The following PAK5 variants were observed in gnomAD, a reference collection of about 807,000 sequenced individuals.
The protein encoded by PAK5 is serine/threonine-protein kinase PAK 5.
In PAK5, 16 loss-of-function variants were observed where a neutral mutation model predicts 65.9. The ratio of observed to expected loss-of-function variants is 0.24; its 90% CI spans 0.16 to 0.37. PAK5 has a LOEUF of 0.37. Ranked by LOEUF, PAK5 falls within the 10% of genes least tolerant of loss-of-function variation. The probability of loss-of-function intolerance (pLI) is 1.00; values close to 1 mark genes in which losing one functional copy is unlikely to be tolerated. For synonymous variants in PAK5, 371 were observed against 354.9 expected, an observed-to-expected ratio of 1.05 and a Z score of -0.51; for missense variants, 785 against 903.9, an observed-to-expected ratio of 0.87 and a Z score of 1.69.
intron 1 of PAK5, among the ~76,000 whole-genome samples, chr20:9,812,638 T>C (rs1207395661): frequency 1.3e-5 from 2 of 152,158 alleles, no homozygotes; most frequent in East Asian, 1.9e-4. Context: ...TAAATGTCCA[T>C]AGTAGCATCA....
chr20:9,596,584 T>A (rs955695573), intron 3 of PAK5, among the ~76,000 whole-genome samples: 2 of 130,568 alleles, frequency 1.5e-5, no homozygotes, highest in African/African-American at 6.0e-5. Context: ...TGCAGTGAGC[T>A]GAGATAGCAC....
At chr20:9,598,109 T>A (rs2046302029) in intron 3 of PAK5, among the ~76,000 whole-genome samples, 1 of 152,092 alleles carries the variant, frequency 6.6e-6, no homozygotes, top group Non-Finnish European at 1.5e-5. Flanking sequence ...ATGCTTTCCC[T>A]CCCCCCATGA....
chr20:9,580,732 A>G lies in PAK5; in HGVS notation c.403T>C (p.Ser135Pro). 6.2e-7 allele frequency: 1 copy of G among 1,613,898 alleles called. No homozygotes were observed. Among genetic ancestry groups the G allele is most frequent in the Non-Finnish European group, 8.5e-7 (1 of 1,179,928 alleles). ...GTCGTGTAGTCAGCAGTAGTATCGG[A>G]TTCGCTGGAATACTGGGAGAAGGTG... ...FITFSQYSSESDTTADYTTEK... is the reference protein window; with the variant it reads ...FITFSQYSSEPDTTADYTTEK... The change falls in exon 4 of 10, where the codon TCC becomes CCC. Residue 135 changes from serine (S) to proline (P), a missense_variant. By Grantham distance (74) the Ser-to-Pro change is moderately conservative. This residue lies in a region of PAK5 where 422 missense variants were observed against 413.3 expected (regional missense o/e 1.02). Coordinates refer to ENST00000353224, the MANE Select transcript of PAK5 (RefSeq NM_177990.4).
At chr20:9,614,033 A>C (rs1031776090) in intron 3 of PAK5, among the ~76,000 whole-genome samples, 1 of 152,232 alleles carries the variant, frequency 6.6e-6, no homozygotes. Context: ...TATGGCACGG[A>C]TGTTGGAACT....
At chr20:9,634,752 C>T (rs1466983786) in intron 3 of PAK5, among the ~76,000 whole-genome samples, 1 of 152,082 alleles carries the variant, frequency 6.6e-6, no homozygotes, top group Non-Finnish European at 1.5e-5. Flanking sequence ...CCCACATCTC[C>T]TGAATTTAGG....
In PAK5 at chr20:9,749,891, C is replaced by T. The variant is rs567588756; in HGVS notation, c.-161-38456G>A. On this transcript the variant is annotated intron_variant, in intron 1 of 9. Coordinates refer to ENST00000353224, the MANE Select transcript of PAK5 (RefSeq NM_177990.4). The stretch of plus-strand genomic sequence containing the variant: ...CATATCTCCTTGCTGACCAGTAACA[C>T]TCAGTTTGCAGATGGCACACGTCCT... Among the ~76,000 whole-genome samples the T allele has an allele frequency of 3.3e-5, 5 of 152,276 alleles. No homozygotes were observed. In the South Asian group the frequency reaches 1.0e-3, roughly 32 times the overall value.
At chr20:9,590,207 G>A (rs991415998) in intron 3 of PAK5, among the ~76,000 whole-genome samples, 2 of 152,086 alleles carry the variant, frequency 1.3e-5, no homozygotes, top group Non-Finnish European at 2.9e-5. Context: ...CTGGCCTCAA[G>A]TGATCTCATG....
chr20:9,771,404 TA>T (rs372717784), intron 1 of PAK5, among the ~76,000 whole-genome samples: 5 of 149,384 alleles, frequency 3.3e-5, no homozygotes, highest in African/African-American at 1.2e-4. Context: ...ATCTATAATT[TA>T]AAAAAATTTT....
intron 2 of PAK5, among the ~76,000 whole-genome samples, chr20:9,655,647 A>C (rs1345244632): frequency 6.6e-6 from 1 of 152,212 alleles, no homozygotes; most frequent in Non-Finnish European, 1.5e-5. Context: ...TGTATCTATC[A>C]TTCTGCATAA....
intron 1 of PAK5, among the ~76,000 whole-genome samples, chr20:9,774,227 G>A (rs886440037): frequency 5.9e-5 from 9 of 152,156 alleles, no homozygotes; most frequent in African/African-American, 1.9e-4. Context: ...GGGGAAAGGA[G>A]GAACAGATAC....
chr20:9,632,293 G>C (rs953440198), intron 3 of PAK5, among the ~76,000 whole-genome samples: 23 of 152,148 alleles, frequency 1.5e-4, no homozygotes, highest in African/African-American at 5.3e-4. Context: ...CTGGAGACAG[G>C]CTTGTGATCT....
chr20:9,829,312 CTT>C (rs1196922664), intron 1 of PAK5, among the ~76,000 whole-genome samples: 1 of 152,166 alleles, frequency 6.6e-6, no homozygotes, highest in African/African-American at 2.4e-5. Context: ...AATCTAGTGA[CTT>C]TTAAATTATC....
At chr20:9,575,393 G>A (rs1275879471) in intron 4 of PAK5, among the ~76,000 whole-genome samples, 1 of 152,134 alleles carries the variant, frequency 6.6e-6, no homozygotes, top group African/African-American at 2.4e-5. Flanking sequence ...TGATGAAACT[G>A]ATGCACAGAG....
intron 3 of PAK5, among the ~76,000 whole-genome samples, chr20:9,596,508 C>T (rs1293652301): frequency 1.1e-4 from 16 of 151,912 alleles, no homozygotes; most frequent in South Asian, 6.2e-4. Context: ...TGGTGGTGGG[C>T]GCCTATAGTC....
intron 7 of PAK5, among the ~76,000 whole-genome samples, chr20:9,550,393 A>C (rs920172284): frequency 6.6e-6 from 1 of 152,146 alleles, no homozygotes; most frequent in Non-Finnish European, 1.5e-5. Context: ...AAAGCAAGGC[A>C]GGGAGGAGAA....
intron 1 of PAK5, among the ~76,000 whole-genome samples, chr20:9,777,974 G>T (rs2048903850): frequency 6.6e-6 from 1 of 152,142 alleles, no homozygotes; most frequent in Admixed American, 6.6e-5. Flanking sequence ...AAGCTCTATG[G>T]GCATGAGAAT....
chr20:9,667,526 C>T (rs1011250270), intron 2 of PAK5, among the ~76,000 whole-genome samples: 1 of 152,252 alleles, frequency 6.6e-6, no homozygotes. Flanking sequence ...TCATCTGTTC[C>T]CACCAAGGTC....
intron 1 of PAK5, among the ~76,000 whole-genome samples, chr20:9,773,174 T>C (rs1485788924): frequency 6.6e-6 from 1 of 152,120 alleles, no homozygotes; most frequent in Non-Finnish European, 1.5e-5. Flanking sequence ...AAGTGTACCA[T>C]CTCCACTTGA....
chr20:9,676,315 A>G (rs1464842995), intron 2 of PAK5, among the ~76,000 whole-genome samples: 1 of 152,178 alleles, frequency 6.6e-6, no homozygotes, highest in African/African-American at 2.4e-5. Context: ...AAACTGCTTT[A>G]GGCAATATAT....
Sources: gnomAD v4.1 joint callset for allele counts (sites outside exome capture counted in the v4.1 genomes callset) on GRCh38, gnomAD v4.1.1 for gene constraint, gnomAD v4.1.1 regional missense constraint, MANE v1.5 for transcripts, NCBI Gene and HGNC (gene_info 2026-07-23, HGNC 2026-07-21) for gene names.